The following PTTG1IP2 variants were observed in gnomAD, a reference collection of about 807,000 sequenced individuals.
PTTG1IP2 encodes the protein PTTG1IP family member 2.
rs538584000 is a variant in PTTG1IP2 at position 90,488,927 on chromosome 7, G to A, written c.343G>A (p.Val115Ile). 4.6e-5 allele frequency: 7 copies of A among 151,926 alleles called. No homozygotes were observed. The highest frequency in any genetic ancestry group is 1.4e-4 in the African/African-American group (6 of 41,518). 9.4% of individuals were successfully genotyped at this position (151,926 alleles called of 1,614,324 possible). The change falls in exon 4 of 7, where the codon GTT becomes ATT. Residue 115 changes from valine to isoleucine, a missense_variant. By Grantham distance (29) the Val-to-Ile change is conservative. Coordinates refer to ENST00000509356, the MANE Select transcript of PTTG1IP2 (RefSeq NM_001365443.2). The stretch of plus-strand genomic sequence containing the variant: ...CATTGCAGTATTAATTACAGGATTC[G>A]TTTGGTACTGCTGCGCCTATCACTT... ...LLIAVLITGF[V>I]WYCCAYHFYL...
chr7:90,506,242 T>C (rs879060309), intron 6 of PTTG1IP2, among the ~76,000 whole-genome samples: 1 of 152,146 alleles, frequency 6.6e-6, no homozygotes, highest in African/African-American at 2.4e-5. Context: ...ACTTGCACTT[T>C]TTTTTCACTG....
Position 90,507,109 on chromosome 7 carries a change from GT to G in PTTG1IP2, c.*51-6163del. The stretch of plus-strand genomic sequence containing the variant: ...CAAATTCTTGGGAGGACCAGCACTT[GT>G]TTTTTGCGAAGTTAGTTATAATAAT... On this transcript the variant is annotated intron_variant, in intron 6 of 6. Coordinates refer to ENST00000509356, the MANE Select transcript of PTTG1IP2 (RefSeq NM_001365443.2). 2.0e-5 allele frequency among the ~76,000 whole-genome samples: 3 copies of G among 152,276 alleles called. No homozygotes were observed. The South Asian group carries it at 6.2e-4, about 32-fold the overall frequency.
At chr7:90,475,364 G>T (rs1490368559) in intron 1 of PTTG1IP2, among the ~76,000 whole-genome samples, 1 of 152,226 alleles carries the variant, frequency 6.6e-6, no homozygotes, top group Admixed American at 6.5e-5. Flanking sequence ...CAGGGTCTAG[G>T]ATGTATGTCT....
At chr7:90,499,099 A>G (rs879581783) in intron 6 of PTTG1IP2, among the ~76,000 whole-genome samples, 5 of 152,016 alleles carry the variant, frequency 3.3e-5, no homozygotes, top group Non-Finnish European at 5.9e-5. Context: ...CAATCCACCC[A>G]CCTCAGCGTC....
At chr7:90,511,537 C>T (rs17862214) in intron 6 of PTTG1IP2, among the ~76,000 whole-genome samples, 4,255 of 152,172 alleles carry the variant, frequency 0.028, 102 homozygotes, top group Non-Finnish European at 0.037. Flanking sequence ...TGATAAGAGG[C>T]GCTTGCACCA....
chr7:90,481,014 T>C (rs963127161), intron 2 of PTTG1IP2, among the ~76,000 whole-genome samples: 1 of 152,184 alleles, frequency 6.6e-6, no homozygotes, highest in Admixed American at 6.5e-5. Context: ...AAAGGCTTTA[T>C]CAGATTCTGT....
chr7:90,490,882 A>G (rs1400031446), intron 4 of PTTG1IP2, among the ~76,000 whole-genome samples: 5 of 152,092 alleles, frequency 3.3e-5, no homozygotes, highest in African/African-American at 1.2e-4. Flanking sequence ...ATATCATCCA[A>G]CAACTGTACT....
chr7:90,478,820 G>C (rs998040462), intron 1 of PTTG1IP2, among the ~76,000 whole-genome samples: 7 of 147,588 alleles, frequency 4.7e-5, no homozygotes, highest in Non-Finnish European at 9.0e-5. Flanking sequence ...AAAAAAGATA[G>C]GGAATTAATT....
At position 90,471,865 on chromosome 7, in the gene PTTG1IP2, G is replaced by A. The variant is rs182744442; in HGVS notation, c.145+1934G>A. On this transcript the variant is annotated intron_variant, in intron 1 of 6. Transcript: ENST00000509356. ...CTCTGAAGGAAACTCAGGTTCCTGC[G>A]TTACAAGCTGGATTTGAGGGTGGAT... Among the ~76,000 whole-genome samples, 13 of 152,252 alleles carry A rather than the reference G, an allele frequency of 8.5e-5. No individual in the cohort carries two copies. In the East Asian group the frequency reaches 1.5e-3, roughly 18 times the overall value.
At chr7:90,501,796 G>A (rs17862212) in intron 6 of PTTG1IP2, among the ~76,000 whole-genome samples, 3,321 of 152,266 alleles carry the variant, frequency 0.022, 67 homozygotes, top group Non-Finnish European at 0.035. Context: ...TCAGGGTGGT[G>A]GTTGCTGAAG....
chr7:90,480,058 G>A (rs1445220353), intron 2 of PTTG1IP2, among the ~76,000 whole-genome samples: 1 of 152,074 alleles, frequency 6.6e-6, no homozygotes, highest in East Asian at 1.9e-4. Flanking sequence ...TGCCTTACAT[G>A]CTTTCCACAG....
chr7:90,506,243 T>C (rs7795111), intron 6 of PTTG1IP2, among the ~76,000 whole-genome samples: 2,806 of 152,210 alleles, frequency 0.018, 76 homozygotes, highest in African/African-American at 0.061. Flanking sequence ...CTTGCACTTT[T>C]TTTTCACTGA....
intron 6 of PTTG1IP2, among the ~76,000 whole-genome samples, chr7:90,496,398 T>C (rs1052108789): frequency 2.6e-5 from 4 of 152,184 alleles, no homozygotes; most frequent in African/African-American, 4.8e-5. Flanking sequence ...AGGAATGTAT[T>C]CATTTCTTCT....
intron 6 of PTTG1IP2, among the ~76,000 whole-genome samples, chr7:90,511,683 G>A (rs1025536835): frequency 4.6e-5 from 7 of 152,038 alleles, no homozygotes; most frequent in East Asian, 3.8e-4. Flanking sequence ...TTGCCAGCTC[G>A]CTTTACTTTT....
At chr7:90,482,199 A>T (rs984562505) in intron 2 of PTTG1IP2, among the ~76,000 whole-genome samples, 18 of 152,114 alleles carry the variant, frequency 1.2e-4, no homozygotes, top group South Asian at 8.3e-4. Context: ...TAAGATGGTA[A>T]CTCATGAAGC....
chr7:90,495,264 ACACT>A (rs1408357816), intron 6 of PTTG1IP2, among the ~76,000 whole-genome samples: 1 of 152,210 alleles, frequency 6.6e-6, no homozygotes, highest in Non-Finnish European at 1.5e-5. Context: ...AACTACCCCG[ACACT>A]CAGTAAGTTC....
intron 4 of PTTG1IP2, among the ~76,000 whole-genome samples, chr7:90,491,645 T>G (rs1797939757): frequency 6.6e-6 from 1 of 151,042 alleles, no homozygotes; most frequent in Non-Finnish European, 1.5e-5. Flanking sequence ...AAAAGAAATA[T>G]CAAACCCTTG....
chr7:90,508,961 G>T (rs1431923644), intron 6 of PTTG1IP2, among the ~76,000 whole-genome samples: 1 of 152,164 alleles, frequency 6.6e-6, no homozygotes, highest in Non-Finnish European at 1.5e-5. Flanking sequence ...GAGCAATCTG[G>T]CTTCAGAGGC....
chr7:90,512,571 G>T (rs1287189764), intron 6 of PTTG1IP2, among the ~76,000 whole-genome samples: 1 of 152,148 alleles, frequency 6.6e-6, no homozygotes, highest in Non-Finnish European at 1.5e-5. Flanking sequence ...GGATTTATTG[G>T]CCATTCTAAA....
Sources: gnomAD v4.1 joint callset for allele counts (sites outside exome capture counted in the v4.1 genomes callset) on GRCh38, gnomAD v4.1.1 for gene constraint, MANE v1.5 for transcripts, NCBI Gene and HGNC (gene_info 2026-07-23, HGNC 2026-07-21) for gene names.